Variants in FHIT observed in about 807,000 individuals in gnomAD.
FHIT encodes the protein fragile histidine triad diadenosine triphosphatase, also known as bis(5'-adenosyl)-triphosphatase.
In FHIT, 19 loss-of-function variants were observed where a neutral mutation model predicts 17.9. The observed-to-expected ratio is 1.06, with a 90% CI of 0.74 to 1.56. The LOEUF is 1.56. Ranked by LOEUF, FHIT falls within the 40% of genes most tolerant of loss-of-function variation. The probability of loss-of-function intolerance (pLI) is 0.00; values close to 1 mark genes in which losing one functional copy is unlikely to be tolerated. For missense variants in FHIT, 248 were observed against 189.2 expected, an observed-to-expected ratio of 1.31 and a Z score of -1.82; for synonymous variants, 81 against 69.7, an observed-to-expected ratio of 1.16 and a Z score of -0.81.
At chr3:60,359,630 C>T (rs1699823305) in intron 5 of FHIT, among the ~76,000 whole-genome samples, 1 of 152,164 alleles carries the variant, frequency 6.6e-6, no homozygotes, top group Non-Finnish European at 1.5e-5. Flanking sequence ...GACCCCTTCA[C>T]CAGAGCAAGC....
intron 4 of FHIT, among the ~76,000 whole-genome samples, chr3:60,608,903 T>C (rs72887667): frequency 0.018 from 2,678 of 152,212 alleles, 91 homozygotes; most frequent in African/African-American, 0.061. Flanking sequence ...ATAGGTAACA[T>C]GATTTCCTAC....
At chr3:60,088,182 G>C (rs1251720730) in intron 5 of FHIT, among the ~76,000 whole-genome samples, 1 of 152,090 alleles carries the variant, frequency 6.6e-6, no homozygotes, top group Non-Finnish European at 1.5e-5. Flanking sequence ...AACAGATGGA[G>C]AACTCATCCC....
chr3:60,223,709 T>C (rs939993771), intron 5 of FHIT, among the ~76,000 whole-genome samples: 3 of 152,190 alleles, frequency 2.0e-5, no homozygotes, highest in African/African-American at 4.8e-5. Flanking sequence ...CAAGTCTTCA[T>C]TCCTACATAC....
intron 5 of FHIT, among the ~76,000 whole-genome samples, chr3:60,242,749 G>T (rs1203319291): frequency 6.6e-6 from 1 of 151,854 alleles, no homozygotes; most frequent in African/African-American, 2.4e-5. Flanking sequence ...TCTTTCTATT[G>T]GTTAGAAGAT....
intron 4 of FHIT, among the ~76,000 whole-genome samples, chr3:60,543,780 T>C (rs566664033): frequency 1.3e-5 from 2 of 152,240 alleles, no homozygotes; most frequent in African/African-American, 4.8e-5. Flanking sequence ...AGTTTCGCTC[T>C]GTCACCCAGG....
intron 5 of FHIT, among the ~76,000 whole-genome samples, chr3:60,017,885 A>C (rs931313993): frequency 2.0e-5 from 3 of 152,192 alleles, no homozygotes; most frequent in Admixed American, 2.0e-4. Context: ...AAATGTGACC[A>C]CAAGAATCCC....
intron 4 of FHIT, among the ~76,000 whole-genome samples, chr3:60,609,468 G>A (rs1395942501): frequency 6.6e-6 from 1 of 151,980 alleles, no homozygotes; most frequent in Non-Finnish European, 1.5e-5. Context: ...TGGGATTACA[G>A]GTGTGTGCCA....
intron 5 of FHIT, among the ~76,000 whole-genome samples, chr3:60,108,462 T>C (rs1159726309): frequency 1.4e-4 from 21 of 152,162 alleles, no homozygotes; most frequent in Admixed American, 1.4e-3. Context: ...GCCTATCTAG[T>C]ACCCACCCCT....
At chr3:60,421,079 AGTTTTG>A (rs1702447662) in intron 5 of FHIT, among the ~76,000 whole-genome samples, 2 of 149,062 alleles carry the variant, frequency 1.3e-5, no homozygotes, top group African/African-American at 5.0e-5. Context: ...GGCCGAAGAC[AGTTTTG>A]ATGAGATGGC....
At chr3:60,109,834 C>G (rs1050017174) in intron 5 of FHIT, among the ~76,000 whole-genome samples, 2 of 152,174 alleles carry the variant, frequency 1.3e-5, no homozygotes, top group East Asian at 3.9e-4. Flanking sequence ...TAGTTGGCTA[C>G]TGACCCACAG....
At chr3:61,201,302 T>C (rs1013097677) in intron 1 of FHIT, among the ~76,000 whole-genome samples, 2 of 152,218 alleles carry the variant, frequency 1.3e-5, no homozygotes, top group African/African-American at 2.4e-5. Context: ...AAAACATAAA[T>C]ACTATGCACT....
intron 3 of FHIT, among the ~76,000 whole-genome samples, chr3:60,878,271 C>T (rs1704765898): frequency 6.6e-6 from 1 of 152,046 alleles, no homozygotes; most frequent in Non-Finnish European, 1.5e-5. Context: ...GACCCAAGAG[C>T]CACAATAGGC....
At chr3:61,217,589 C>A (rs1282150520) in intron 1 of FHIT, among the ~76,000 whole-genome samples, 1 of 152,124 alleles carries the variant, frequency 6.6e-6, no homozygotes, top group Non-Finnish European at 1.5e-5. Context: ...CAGTCACAAA[C>A]CCCCACCCAG....
intron 4 of FHIT, among the ~76,000 whole-genome samples, chr3:60,544,627 T>TCA (rs2036301843): frequency 1.4e-5 from 2 of 144,048 alleles, no homozygotes; most frequent in Admixed American, 7.3e-5. Context: ...AGACAGAGTC[T>TCA]CACTCTGTTT....
At chr3:60,663,455 G>A (rs1320826604) in intron 4 of FHIT, among the ~76,000 whole-genome samples, 1 of 151,378 alleles carries the variant, frequency 6.6e-6, no homozygotes, top group Admixed American at 6.6e-5. Context: ...TTATTTCTGA[G>A]ACGGAATTTC....
chr3:59,943,006 G>C (rs1309852904), intron 7 of FHIT, among the ~76,000 whole-genome samples: 2 of 152,040 alleles, frequency 1.3e-5, no homozygotes, highest in Non-Finnish European at 2.9e-5. Context: ...TGATAGTTCA[G>C]CTAGTTTCAA....
intron 8 of FHIT, among the ~76,000 whole-genome samples, chr3:59,837,473 C>A (rs4679618): frequency 0.41 from 62,871 of 151,846 alleles, 14,213 homozygotes; most frequent in Admixed American, 0.53. Flanking sequence ...AAACACAATT[C>A]CCCCCACCCC....
At chr3:60,468,281 T>C (rs1011369333) in intron 5 of FHIT, among the ~76,000 whole-genome samples, 4 of 152,148 alleles carry the variant, frequency 2.6e-5, no homozygotes, top group African/African-American at 9.6e-5. Context: ...TAGAGTTTAG[T>C]CCATTTACAT....
intron 8 of FHIT, among the ~76,000 whole-genome samples, chr3:59,808,380 G>A (rs1359575976): frequency 6.6e-6 from 1 of 152,110 alleles, no homozygotes; most frequent in African/African-American, 2.4e-5. Context: ...GCTCTTCAGG[G>A]CTTTTCTGAC....
Sources: gnomAD v4.1 joint callset for allele counts (sites outside exome capture counted in the v4.1 genomes callset) on GRCh38, gnomAD v4.1.1 for gene constraint, MANE v1.5 for transcripts, NCBI Gene and HGNC (gene_info 2026-07-23, HGNC 2026-07-21) for gene names.